The following AGTR1 variants were observed in gnomAD, a reference collection of about 807,000 sequenced individuals.
AGTR1 encodes the protein angiotensin II receptor type 1.
Under a neutral mutation model 19.4 loss-of-function variants are expected in AGTR1, and 16 were observed. The observed-to-expected ratio is 0.82, with a 90% confidence interval of 0.56 to 1.25. The LOEUF (loss-of-function observed/expected upper bound fraction) is 1.25, where lower values mean the gene tolerates loss of function less well. Ranked by LOEUF, AGTR1 falls within the 50% of genes most tolerant of loss-of-function variation. The pLI is 0.00. For missense variants in AGTR1, 373 were observed against 431.9 expected (o/e 0.86, Z 1.21); for synonymous variants, 153 against 154.9 (o/e 0.99, Z 0.09).
At chr3:148,711,316 T>C (rs1033172096) in intron 2 of AGTR1, among the ~76,000 whole-genome samples, 3 of 152,142 alleles carry the variant, frequency 2.0e-5, no homozygotes, top group Admixed American at 2.0e-4. Flanking sequence ...GGCAAAAAAT[T>C]AAAAACAAAT....
At chr3:148,699,796 C>T (rs1712213107) in intron 1 of AGTR1, among the ~76,000 whole-genome samples, 1 of 152,196 alleles carries the variant, frequency 6.6e-6, no homozygotes, top group Non-Finnish European at 1.5e-5. Context: ...TACCCACTCT[C>T]TCTCCCCGCC....
At chr3:148,718,188 A>G (rs1003137337) in intron 2 of AGTR1, among the ~76,000 whole-genome samples, 8 of 152,226 alleles carry the variant, frequency 5.3e-5, no homozygotes, top group Admixed American at 3.9e-4. Context: ...CTGGCAACAA[A>G]TGTAGCCACT....
chr3:148,737,381 A>T (rs1394199496), intron 2 of AGTR1, among the ~76,000 whole-genome samples: 3 of 138,840 alleles, frequency 2.2e-5, no homozygotes, highest in Non-Finnish European at 4.7e-5. Context: ...CCCCACCCCC[A>T]CTGCCCTCTC....
chr3:148,708,508 C>T (rs144769914), intron 2 of AGTR1, among the ~76,000 whole-genome samples: 16 of 152,092 alleles, frequency 1.1e-4, no homozygotes, highest in Admixed American at 3.3e-4. Flanking sequence ...CCAAATGTCT[C>T]GGAGTTTCAT....
intron 2 of AGTR1, among the ~76,000 whole-genome samples, chr3:148,715,750 A>G (rs1416627219): frequency 6.6e-6 from 1 of 152,210 alleles, no homozygotes; most frequent in Non-Finnish European, 1.5e-5. Flanking sequence ...TGGTAATTAA[A>G]TGCTATCATT....
intron 2 of AGTR1, among the ~76,000 whole-genome samples, chr3:148,721,509 A>C (rs1398733443): frequency 1.3e-5 from 2 of 152,220 alleles, no homozygotes; most frequent in Non-Finnish European, 2.9e-5. Context: ...ATACATATGA[A>C]ACAATGGTTT....
intron 1 of AGTR1, among the ~76,000 whole-genome samples, chr3:148,706,732 A>G (rs1357187365): frequency 1.3e-5 from 2 of 152,074 alleles, no homozygotes; most frequent in African/African-American, 4.8e-5. Flanking sequence ...TATGGAAACA[A>G]TAAGAAAATG....
intron 2 of AGTR1, chr3:148,731,460 T>C (rs572974396): frequency 8.5e-5 from 13 of 152,340 alleles, no homozygotes; most frequent in Middle Eastern, 3.4e-3. Flanking sequence ...TAATGAAAAA[T>C]ATTTCTGCTG....
Position 148,742,311 on chromosome 3 carries a change from G to A in AGTR1, c.*196G>A. The A allele has an allele frequency of 2.5e-6, 2 of 796,954 alleles. No homozygotes were observed. The highest frequency in any genetic ancestry group is 1.4e-5 in the South Asian group (1 of 69,710). The allele number at this position is 796,954 out of a possible 1,614,324, so 49.4% of individuals were successfully genotyped here. A position where few individuals can be genotyped will look rare whatever the true frequency, so the allele number is the denominator to read the frequency against. On this transcript the variant is annotated 3_prime_UTR_variant, in exon 3 of 3. Coordinates refer to ENST00000349243, the MANE Select transcript of AGTR1 (RefSeq NM_000685.5). ...TCCTTTTGCAACAAGACAAAGCAAA[G>A]CCACATTTTGCATTAGACAGATGAC...
intron 2 of AGTR1, among the ~76,000 whole-genome samples, chr3:148,733,917 T>C (rs762862988): frequency 3.3e-5 from 5 of 152,226 alleles, no homozygotes; most frequent in South Asian, 2.1e-4. Flanking sequence ...CATAAGAGTA[T>C]TTAATACTAA....
chr3:148,726,524 T>C (rs900815143), intron 2 of AGTR1, among the ~76,000 whole-genome samples: 5 of 152,238 alleles, frequency 3.3e-5, no homozygotes, highest in Non-Finnish European at 7.3e-5. Context: ...AACTGATTTA[T>C]GTTCATCACC....
intron 2 of AGTR1, among the ~76,000 whole-genome samples, chr3:148,721,591 T>G (rs1223792511): frequency 6.6e-6 from 1 of 152,142 alleles, no homozygotes; most frequent in Non-Finnish European, 1.5e-5. Flanking sequence ...CCTGGGATTG[T>G]CCCAGCCCAC....
chr3:148,698,228 C>T (rs182349326), intron 1 of AGTR1, 101 bp downstream of exon 1: 23 of 152,400 alleles, frequency 1.5e-4, no homozygotes, highest in Non-Finnish European at 2.8e-4. Flanking sequence ...TACTGGGAAG[C>T]TCTCGGGGAC....
Position 148,742,288 on chromosome 3 carries a change from CT to C in AGTR1, c.*177del, listed in dbSNP as rs1281131705. On this transcript the variant is annotated 3_prime_UTR_variant, in exon 3 of 3. Coordinates refer to ENST00000349243, the MANE Select transcript of AGTR1 (RefSeq NM_000685.5). ...AGCTCTGAACAAAAGCTTTTCTTTC[CT>C]TTTGCAACAAGACAAAGCAAAGCCA... is the stretch of plus-strand genomic sequence containing the variant. 5.2e-6 allele frequency: 5 copies of C among 968,062 alleles called. No homozygotes were observed. Among genetic ancestry groups the C allele is most frequent in the Non-Finnish European group, 8.3e-6 (5 of 600,404 alleles). The allele number at this position is 968,062 out of a possible 1,614,324, so 60.0% of individuals were successfully genotyped here.
chr3:148,710,447 C>T (rs906317876), intron 2 of AGTR1, among the ~76,000 whole-genome samples: 1 of 152,120 alleles, frequency 6.6e-6, no homozygotes, highest in Non-Finnish European at 1.5e-5. Flanking sequence ...TGGTTACCAA[C>T]ATTGCTGACA....
chr3:148,718,834 G>T (rs1426254483), intron 2 of AGTR1, among the ~76,000 whole-genome samples: 2 of 152,120 alleles, frequency 1.3e-5, no homozygotes, highest in Non-Finnish European at 2.9e-5. Flanking sequence ...TGAAACATGG[G>T]TTTTAAATAT....
chr3:148,703,213 A>G (rs368720751), intron 1 of AGTR1, among the ~76,000 whole-genome samples: 28 of 152,138 alleles, frequency 1.8e-4, no homozygotes, highest in African/African-American at 6.8e-4. Flanking sequence ...GACACATTGT[A>G]TTACAAATTA....
At chr3:148,737,049 C>T (rs1376696646) in intron 2 of AGTR1, among the ~76,000 whole-genome samples, 3 of 152,194 alleles carry the variant, frequency 2.0e-5, no homozygotes, top group African/African-American at 7.2e-5. Context: ...CTGTTTCCCA[C>T]TCATTTATCA....
chr3:148,723,319 T>C (rs1461869086), intron 2 of AGTR1, among the ~76,000 whole-genome samples: 1 of 152,212 alleles, frequency 6.6e-6, no homozygotes, highest in African/African-American at 2.4e-5. Context: ...ATAAGAACTA[T>C]TCAAAAATAA....
Sources: gnomAD v4.1 joint callset for allele counts (sites outside exome capture counted in the v4.1 genomes callset) on GRCh38, gnomAD v4.1.1 for gene constraint, MANE v1.5 for transcripts, NCBI Gene and HGNC (gene_info 2026-07-23, HGNC 2026-07-21) for gene names.